The following TBC1D22B variants were observed in gnomAD, a reference collection of about 807,000 sequenced individuals.
TBC1D22B encodes the protein TBC1 domain family member 22B.
A neutral mutation model predicts 69.1 loss-of-function variants in TBC1D22B; 32 were observed. That is an observed-to-expected ratio of 0.46 (90% CI 0.35 to 0.62). The LOEUF is 0.62. TBC1D22B is among the 20% of genes least tolerant of loss of function. The pLI is 0.00. For missense variants in TBC1D22B, 462 were observed against 630.9 expected (o/e 0.73, Z 2.87); for synonymous variants, 206 against 229.8 (o/e 0.90, Z 0.94).
rs1025862362 is a variant in TBC1D22B, at chr6:37,279,311, A to G, written c.121A>G (p.Lys41Glu). Residue 41 changes from lysine to glutamate, a missense_variant, in exon 3 of 13, where the codon AAA (lysine) becomes GAA (glutamate). Lys to Glu is a moderately conservative substitution (Grantham distance 56). Transcript: ENST00000373491. ...GTGTCTCCTTTCTTGAAGTTTCATTAAAGAACGATCAAAAGTCAACACAGT... is the reference window on the plus strand; with the variant it reads ...GTGTCTCCTTTCTTGAAGTTTCATTGAAGAACGATCAAAAGTCAACACAGT... ...LDPRLTKNFIKERSKVNTVPL... is the reference protein window; with the variant it reads ...LDPRLTKNFIEERSKVNTVPL... 4 of 1,595,302 alleles carry G rather than the reference A, an allele frequency of 2.5e-6. No individual in the cohort carries two copies. In the Admixed American group the frequency reaches 7.0e-5, roughly 28 times the overall value.
At chr6:37,276,734 C>T (rs959676627) in intron 2 of TBC1D22B, among the ~76,000 whole-genome samples, 3 of 151,856 alleles carry the variant, frequency 2.0e-5, no homozygotes, top group African/African-American at 7.3e-5. Flanking sequence ...AATTTGAGAC[C>T]AGCCTGATTA....
In TBC1D22B at chr6:37,268,795, A is replaced by G. The variant is rs190326311; in HGVS notation, c.57-799A>G. Among the ~76,000 whole-genome samples the G allele has an allele frequency of 2.8e-4, 42 of 152,302 alleles. No individual in the cohort carries two copies. The East Asian group carries it at 7.9e-3, about 29-fold the overall frequency. On this transcript the variant is annotated intron_variant, in intron 1 of 12. Transcript: ENST00000373491. ...TCTATATAAGTCGAATCATAACAGT[A>G]TTTATTCTTATGCTTTACTTATTTG...
intron 3 of TBC1D22B, among the ~76,000 whole-genome samples, chr6:37,280,508 C>G (rs942208883): frequency 1.3e-5 from 2 of 152,232 alleles, no homozygotes; most frequent in Non-Finnish European, 1.5e-5. Flanking sequence ...CATGAACCTT[C>G]AGTGCCATGC....
Position 37,320,120 on chromosome 6 carries a change from T to C in TBC1D22B, c.1389+2914T>C, listed in dbSNP as rs538715456. ...CAGCAGTTTTAGCAGACCAGCAAAC[T>C]GGTTACACTTGAAGAACAGGGAAAA... On this transcript the variant is annotated intron_variant, in intron 12 of 12. Coordinates refer to ENST00000373491, the MANE Select transcript of TBC1D22B (RefSeq NM_017772.4). Among the ~76,000 whole-genome samples, 3 of 152,272 alleles carry C rather than the reference T, an allele frequency of 2.0e-5. No homozygotes were observed. The East Asian group carries it at 5.8e-4, about 29-fold the overall frequency.
At chr6:37,280,550 T>TG (rs1228150035) in intron 3 of TBC1D22B, among the ~76,000 whole-genome samples, 5 of 152,212 alleles carry the variant, frequency 3.3e-5, no homozygotes, top group Non-Finnish European at 7.3e-5. Context: ...CTGGACCAGG[T>TG]GGCCACAGCT....
chr6:37,279,716 G>T, intron 3 of TBC1D22B, 105 bp downstream of exon 3: 2 of 1,230,812 alleles, frequency 1.6e-6, no homozygotes, highest in Non-Finnish European at 2.2e-6. Context: ...TATTCAACTG[G>T]GCGGTAAATA....
At chr6:37,328,899 G>A (rs1026360813) in intron 12 of TBC1D22B, among the ~76,000 whole-genome samples, 2 of 152,126 alleles carry the variant, frequency 1.3e-5, no homozygotes, top group South Asian at 4.1e-4. Flanking sequence ...GCTAATTTTT[G>A]TATTTTTAGT....
intron 9 of TBC1D22B, 86 bp from the exon 10 acceptor site, chr6:37,313,730 C>G: frequency 7.5e-7 from 1 of 1,326,824 alleles, no homozygotes; most frequent in Non-Finnish European, 1.1e-6. Flanking sequence ...GGAAAATGGC[C>G]TGAACTTCTA....
intron 12 of TBC1D22B, among the ~76,000 whole-genome samples, chr6:37,327,595 A>G (rs1251597831): frequency 6.6e-6 from 1 of 152,198 alleles, no homozygotes; most frequent in Non-Finnish European, 1.5e-5. Flanking sequence ...GAATAGAACC[A>G]AGAGGGAATT....
rs138900696 is a variant in TBC1D22B at position 37,266,153 on chromosome 6, C to T, written c.57-3441C>T. Reference sequence around the variant, plus strand: ...TTAAACCTTCTAACCTTCTCAAGATCGCTTATTTCTTATAAAGGTGATACT... The same window carrying T: ...TTAAACCTTCTAACCTTCTCAAGATTGCTTATTTCTTATAAAGGTGATACT... On this transcript the variant is annotated intron_variant, in intron 1 of 12. Coordinates refer to ENST00000373491, the MANE Select transcript of TBC1D22B (RefSeq NM_017772.4). Among the ~76,000 whole-genome samples the T allele has an allele frequency of 5.1e-3, 781 of 152,222 alleles. 7 individuals are homozygous for T. The highest frequency in any genetic ancestry group is 6.7e-3 in the Non-Finnish European group (457 of 68,016).
At chr6:37,288,577 A>G (rs1455657299) in intron 7 of TBC1D22B, among the ~76,000 whole-genome samples, 1 of 152,070 alleles carries the variant, frequency 6.6e-6, no homozygotes, top group Non-Finnish European at 1.5e-5. Context: ...TCTCAAAAAA[A>G]TTACAGAATT....
chr6:37,283,589 G>C (rs986483737), intron 5 of TBC1D22B, among the ~76,000 whole-genome samples: 10 of 152,156 alleles, frequency 6.6e-5, no homozygotes, highest in East Asian at 1.9e-4. Flanking sequence ...CAAGAAGAAG[G>C]GTCTGTCTCC....
intron 7 of TBC1D22B, among the ~76,000 whole-genome samples, chr6:37,289,319 G>T (rs1209075478): frequency 1.3e-5 from 2 of 152,208 alleles, no homozygotes; most frequent in Non-Finnish European, 2.9e-5. Flanking sequence ...CACACTAGTA[G>T]AAGAGACATT....
intron 8 of TBC1D22B, among the ~76,000 whole-genome samples, chr6:37,294,685 A>G (rs1434903982): frequency 6.6e-6 from 1 of 152,228 alleles, no homozygotes; most frequent in East Asian, 1.9e-4. Context: ...CTTAGATGAC[A>G]GCACATCTGT....
At chr6:37,321,153 T>C (rs1270181897) in intron 12 of TBC1D22B, among the ~76,000 whole-genome samples, 3 of 152,126 alleles carry the variant, frequency 2.0e-5, no homozygotes, top group Non-Finnish European at 2.9e-5. Context: ...TCCTACAAGG[T>C]AGGCTATAAT....
In TBC1D22B at chr6:37,266,351, G is replaced by A. The variant is rs372403597; in HGVS notation, c.57-3243G>A. On this transcript the variant is annotated intron_variant, in intron 1 of 12. Coordinates refer to ENST00000373491, the MANE Select transcript of TBC1D22B (RefSeq NM_017772.4). Reference sequence around the variant, plus strand: ...ACATAGACCTAATCATACATAAAATGCATGTATCTATTTTAAAGATTTTTA... The same window carrying A: ...ACATAGACCTAATCATACATAAAATACATGTATCTATTTTAAAGATTTTTA... Among the ~76,000 whole-genome samples the A allele has an allele frequency of 1.2e-3, 186 of 152,134 alleles. 1 individual carries two copies. Among genetic ancestry groups the A allele is most frequent in the African/African-American group, 4.2e-3 (176 of 41,498 alleles).
chr6:37,258,957 C>CTTTT (rs11379139), intron 1 of TBC1D22B, among the ~76,000 whole-genome samples: 1 of 145,170 alleles, frequency 6.9e-6, no homozygotes, highest in Non-Finnish European at 1.5e-5. Flanking sequence ...GAACTCGTGA[C>CTTTT]TTTTTTTTTT....
intron 6 of TBC1D22B, among the ~76,000 whole-genome samples, chr6:37,286,161 T>G (rs570464007): frequency 1.1e-4 from 16 of 152,358 alleles, no homozygotes; most frequent in Non-Finnish European, 2.2e-4. Flanking sequence ...CATTTGACTT[T>G]AGTGGTTTCT....
chr6:37,301,677 C>A (rs781664046), intron 8 of TBC1D22B, among the ~76,000 whole-genome samples: 22 of 152,210 alleles, frequency 1.4e-4, no homozygotes, highest in Admixed American at 6.5e-5. Context: ...ACAGACTTCT[C>A]CCCACCCTCA....
Sources: gnomAD v4.1 joint callset for allele counts (sites outside exome capture counted in the v4.1 genomes callset) on GRCh38, gnomAD v4.1.1 for gene constraint, MANE v1.5 for transcripts, NCBI Gene and HGNC (gene_info 2026-07-23, HGNC 2026-07-21) for gene names.